Variants in LINGO2 observed in about 807,000 individuals in gnomAD.
The protein encoded by LINGO2 is leucine rich repeat and Ig domain containing 2, also known as leucine-rich repeat and immunoglobulin-like domain-containing nogo receptor-interacting protein 2.
Under a neutral mutation model 30.6 loss-of-function variants are expected in LINGO2, and 14 were observed. The observed-to-expected ratio is 0.46, with a 90% CI of 0.30 to 0.72. The LOEUF (loss-of-function observed/expected upper bound fraction) is 0.72. Ranked by LOEUF, LINGO2 falls within the 30% of genes least tolerant of loss-of-function variation. LINGO2 has a pLI of 0.07. For missense variants in LINGO2, 729 were observed against 751.7 expected (o/e 0.97, Z 0.35); for synonymous variants, 317 against 288.5 (o/e 1.10, Z -1.00).
the LINGO2 span, among the ~76,000 whole-genome samples, chr9:29,157,258 A>G: frequency 6.6e-6 from 1 of 152,130 alleles, no homozygotes; most frequent in Non-Finnish European, 1.5e-5. Flanking sequence ...TCATAAATAA[A>G]TAATTACAAT....
At chr9:27,980,630 T>G (rs1259515549) in intron 5 of LINGO2, among the ~76,000 whole-genome samples, 1 of 151,934 alleles carries the variant, frequency 6.6e-6, no homozygotes, top group Non-Finnish European at 1.5e-5. Flanking sequence ...TCAAGCCTAA[T>G]ATTCTCTTTT....
At chr9:28,039,226 TC>T (rs1214106715) in intron 4 of LINGO2, among the ~76,000 whole-genome samples, 1 of 152,154 alleles carries the variant, frequency 6.6e-6, no homozygotes, top group Non-Finnish European at 1.5e-5. Flanking sequence ...TATAAATGTT[TC>T]CCAGAGGAAT....
At chr9:28,887,498 C>T in the LINGO2 span, among the ~76,000 whole-genome samples, 1 of 151,806 alleles carries the variant, frequency 6.6e-6, no homozygotes, top group Non-Finnish European at 1.5e-5. Flanking sequence ...GGATGATTTG[C>T]TTTTATTAAA....
the LINGO2 span, among the ~76,000 whole-genome samples, chr9:28,781,607 G>A: frequency 1.3e-5 from 2 of 152,044 alleles, no homozygotes; most frequent in Non-Finnish European, 2.9e-5. Flanking sequence ...TAATATAAGA[G>A]GCATGGAGTG....
the LINGO2 span, among the ~76,000 whole-genome samples, chr9:28,834,464 C>T: frequency 6.6e-6 from 1 of 151,924 alleles, no homozygotes; most frequent in Non-Finnish European, 1.5e-5. Context: ...ATTGTATTTC[C>T]AAATCCATGT....
At chr9:28,448,419 G>C (rs1824512499) in intron 2 of LINGO2, among the ~76,000 whole-genome samples, 1 of 152,024 alleles carries the variant, frequency 6.6e-6, no homozygotes, top group Non-Finnish European at 1.5e-5. Context: ...AAATTTCAAG[G>C]CTCATATTTT....
the LINGO2 span, among the ~76,000 whole-genome samples, chr9:29,186,419 A>G: frequency 2.2e-3 from 334 of 152,280 alleles, 2 homozygotes; most frequent in African/African-American, 7.6e-3. Context: ...TCACATATAT[A>G]GAACCAGGGA....
rs139224593 is a variant in LINGO2, at chr9:28,385,015, T to C, written c.-278-12147A>G. ...ATCTATTTACTCCTATTCATTCTCCTTTCATTCAATTAATATTTACTAAAT... is the reference window on the plus strand; with the variant it reads ...ATCTATTTACTCCTATTCATTCTCCCTTCATTCAATTAATATTTACTAAAT... On this transcript the variant is annotated intron_variant, in intron 2 of 5. Transcript: ENST00000379992. Among the ~76,000 whole-genome samples, 54 of 152,236 alleles carry C rather than the reference T, an allele frequency of 3.5e-4. 1 individual carries two copies. In the East Asian group the frequency reaches 9.5e-3, roughly 27 times the overall value.
chr9:29,189,689 G>T, the LINGO2 span, among the ~76,000 whole-genome samples: 3 of 152,128 alleles, frequency 2.0e-5, no homozygotes, highest in Non-Finnish European at 4.4e-5. Context: ...GTAGCGAGCC[G>T]AGATCACGCC....
In LINGO2 at chr9:28,626,466, C is replaced by G. The variant is rs1826683264; in HGVS notation, c.-365+43734G>C. Among the ~76,000 whole-genome samples, 3 of 151,980 alleles carry G rather than the reference C, an allele frequency of 2.0e-5. No individual in the cohort carries two copies. The South Asian group carries it at 6.2e-4, about 31-fold the overall frequency. On this transcript the variant is annotated intron_variant, in intron 1 of 5. Coordinates refer to ENST00000379992, the Ensembl canonical transcript of LINGO2. ...GTGCTTTGAAAACTGTCTAAAATATCTTTGTCCACTCCCCACTCATAAAGA... is the reference window on the plus strand; with the variant it reads ...GTGCTTTGAAAACTGTCTAAAATATGTTTGTCCACTCCCCACTCATAAAGA...
At chr9:29,210,895 G>A in the LINGO2 span, among the ~76,000 whole-genome samples, 1 of 152,014 alleles carries the variant, frequency 6.6e-6, no homozygotes, top group Non-Finnish European at 1.5e-5. Flanking sequence ...CAACTGTATT[G>A]GGAGTAACGC....
chr9:28,611,880 G>T (rs912837204), intron 1 of LINGO2, among the ~76,000 whole-genome samples: 4 of 151,758 alleles, frequency 2.6e-5, no homozygotes, highest in Admixed American at 1.3e-4. Context: ...GAGTGCAGTG[G>T]CGCGATCTCA....
intron 5 of LINGO2, among the ~76,000 whole-genome samples, chr9:28,004,256 C>T (rs1475953786): frequency 6.6e-6 from 1 of 151,986 alleles, no homozygotes; most frequent in Non-Finnish European, 1.5e-5. Context: ...TTCTTATATA[C>T]TTTAAAATAC....
At chr9:28,317,400 T>C in intron 3 of LINGO2, among the ~76,000 whole-genome samples, 1 of 152,212 alleles carries the variant, frequency 6.6e-6, no homozygotes. Context: ...AAAAATCTTA[T>C]AAATGTGACT....
chr9:28,051,105 A>G (rs1387357928), intron 4 of LINGO2, among the ~76,000 whole-genome samples: 2 of 150,678 alleles, frequency 1.3e-5, no homozygotes, highest in Non-Finnish European at 2.9e-5. Flanking sequence ...CTTTTCCTAC[A>G]CAGGATGCTA....
At chr9:28,043,227 C>T (rs1298738436) in intron 4 of LINGO2, among the ~76,000 whole-genome samples, 5 of 152,138 alleles carry the variant, frequency 3.3e-5, no homozygotes, top group African/African-American at 9.7e-5. Context: ...GAAACACTTC[C>T]TCAGACACAT....
chr9:28,968,361 G>A, the LINGO2 span, among the ~76,000 whole-genome samples: 1 of 152,104 alleles, frequency 6.6e-6, no homozygotes, highest in Non-Finnish European at 1.5e-5. Context: ...CAATGAACTA[G>A]GAGATGAAGA....
At chr9:28,621,443 G>A (rs1476010027) in intron 1 of LINGO2, among the ~76,000 whole-genome samples, 1 of 151,566 alleles carries the variant, frequency 6.6e-6, no homozygotes, top group East Asian at 2.0e-4. Context: ...GTGTGTCACC[G>A]AGAAATAGTC....
intron 2 of LINGO2, among the ~76,000 whole-genome samples, chr9:28,400,601 G>A (rs1035845356): frequency 6.6e-6 from 1 of 152,134 alleles, no homozygotes; most frequent in Non-Finnish European, 1.5e-5. Context: ...GCATTGTAAG[G>A]TATCGTTAAT....
Sources: gnomAD v4.1 joint callset for allele counts (sites outside exome capture counted in the v4.1 genomes callset) on GRCh38, gnomAD v4.1.1 for gene constraint, MANE v1.5 for transcripts, NCBI Gene and HGNC (gene_info 2026-07-23, HGNC 2026-07-21) for gene names.